Variants in PRTG observed in about 807,000 individuals in gnomAD.
PRTG encodes protogenin.
A neutral mutation model predicts 122.5 loss-of-function variants in PRTG; 67 were observed. That is an observed-to-expected ratio of 0.55 (90% CI 0.45 to 0.67). The LOEUF (loss-of-function observed/expected upper bound fraction) is 0.67. Among genes scored for constraint, PRTG ranks in the 30% least tolerant of loss-of-function variants. The pLI, the probability that PRTG is intolerant of heterozygous loss-of-function variation, is 0.00. For synonymous variants in PRTG, 554 were observed against 501.1 expected, an observed-to-expected ratio of 1.11 and a Z score of -1.41; for missense variants, 1,435 against 1,415.4, an observed-to-expected ratio of 1.01 and a Z score of -0.22.
In PRTG at chr15:55,620,190, G is replaced by A. The variant is rs936354534; in HGVS notation, c.3275C>T (p.Pro1092Leu). Residue 1092 changes from proline to leucine, a missense_variant, in exon 20 of 20, where the codon CCT becomes CTT. Pro to Leu is a moderately conservative substitution (Grantham distance 98). Transcript: ENST00000389286. The part of the protein sequence containing the change: ...TTVLISDEDS[P>L]SSPGQTTSFS... ...GCTGGTTGTCTGACCTGGGGAGCTA[G>A]GGGAGTCTTCATCACTGATTAATAC... 9.3e-6 allele frequency: 15 copies of A among 1,614,192 alleles called. No individual in the cohort carries two copies. Among genetic ancestry groups the A allele is most frequent in the Non-Finnish European group, 1.3e-5 (15 of 1,180,020 alleles).
At chr15:55,717,190 T>C (rs2030631778) in intron 2 of PRTG, among the ~76,000 whole-genome samples, 1 of 152,308 alleles carries the variant, frequency 6.6e-6, no homozygotes, top group East Asian at 1.9e-4. Flanking sequence ...TTCTAACTTA[T>C]TTCAAACAGA....
At chr15:55,646,756 C>T (rs560428103) in intron 11 of PRTG, among the ~76,000 whole-genome samples, 2 of 152,294 alleles carry the variant, frequency 1.3e-5, no homozygotes, top group East Asian at 3.9e-4. Flanking sequence ...ATTAATCTAA[C>T]ACAAATTTGA....
chr15:55,698,942 A>G (rs1301087798), intron 2 of PRTG, among the ~76,000 whole-genome samples: 1 of 152,112 alleles, frequency 6.6e-6, no homozygotes, highest in African/African-American at 2.4e-5. Flanking sequence ...CCTTCTTCTC[A>G]TAACTGCGCA....
At chr15:55,640,567 G>C in intron 12 of PRTG, among the ~76,000 whole-genome samples, 1 of 152,174 alleles carries the variant, frequency 6.6e-6, no homozygotes, top group East Asian at 1.9e-4. Flanking sequence ...ACAGCCTCGA[G>C]GGAAAAGCAG....
At chr15:55,702,081 T>C (rs1394482920) in intron 2 of PRTG, among the ~76,000 whole-genome samples, 2 of 152,212 alleles carry the variant, frequency 1.3e-5, no homozygotes, top group South Asian at 2.1e-4. Flanking sequence ...ATTTACTATA[T>C]GTAAACTTTA....
intron 11 of PRTG, among the ~76,000 whole-genome samples, chr15:55,657,277 G>A (rs556229385): frequency 6.6e-6 from 1 of 152,200 alleles, no homozygotes; most frequent in South Asian, 2.1e-4. Context: ...CAGAATTGAG[G>A]CCCATTGCCA....
intron 15 of PRTG, among the ~76,000 whole-genome samples, chr15:55,632,262 A>G (rs1023598496): frequency 9.9e-5 from 15 of 152,188 alleles, no homozygotes; most frequent in African/African-American, 3.6e-4. Context: ...CCCCACATCA[A>G]TCTACAAGCA....
intron 2 of PRTG, among the ~76,000 whole-genome samples, chr15:55,733,370 C>T (rs1328383998): frequency 1.3e-5 from 2 of 151,870 alleles, no homozygotes; most frequent in Non-Finnish European, 2.9e-5. Context: ...ATTAGCCAGG[C>T]ATGGTGGCGC....
chr15:55,682,871 A>C (rs1026681397), intron 3 of PRTG, among the ~76,000 whole-genome samples: 13 of 152,092 alleles, frequency 8.5e-5, no homozygotes, highest in Admixed American at 3.3e-4. Context: ...CTTAGACTAC[A>C]TATTTTATTT....
At position 55,615,933 on chromosome 15, in the gene PRTG, T is replaced by C. The variant is rs540328971; in HGVS notation, c.*4079A>G. 6.6e-6 allele frequency: 1 copy of C among 152,230 alleles called. No individual in the cohort carries two copies. The highest frequency in any genetic ancestry group is 1.5e-5 in the Non-Finnish European group (1 of 67,982). The allele number at this position is 152,230 out of a possible 1,614,324, so 9.4% of individuals were successfully genotyped here. ...GAACTTGAACAATGATCCTGGGTTG[T>C]CAACCACGAGCACATTTCTGGCAGA... On this transcript the variant is annotated 3_prime_UTR_variant, in exon 20 of 20. Transcript: ENST00000389286.
chr15:55,697,926 T>C (rs2059640728), intron 2 of PRTG, among the ~76,000 whole-genome samples: 1 of 152,238 alleles, frequency 6.6e-6, no homozygotes, highest in South Asian at 2.1e-4. Context: ...CAGTAAATTT[T>C]AGCTATTTCT....
intron 11 of PRTG, among the ~76,000 whole-genome samples, chr15:55,661,203 G>C (rs1024003389): frequency 6.6e-6 from 1 of 152,172 alleles, no homozygotes; most frequent in African/African-American, 2.4e-5. Flanking sequence ...GAGCCAGCAG[G>C]AGGGGATATT....
In PRTG at chr15:55,740,469, C is replaced by T. The variant is rs1477766508; in HGVS notation, c.310G>A (p.Glu104Lys). The T allele has an allele frequency of 6.2e-7, 1 of 1,614,180 alleles. No individual in the cohort carries two copies. The highest frequency in any genetic ancestry group is 8.5e-7 in the Non-Finnish European group (1 of 1,180,022). The change falls in exon 2 of 20, where the codon GAG becomes AAG. Residue 104 changes from glutamate to lysine, a missense_variant. Coordinates refer to ENST00000389286, the MANE Select transcript of PRTG (RefSeq NM_173814.6). ...YISEVEGRRG[E>K]QSDEGFYQCL... Reference sequence around the variant, plus strand: ...TGATAAAATCCTTCATCGGACTGCTCTCCTCGCCTGCCTTCCACCTCACTG... The same window carrying T: ...TGATAAAATCCTTCATCGGACTGCTTTCCTCGCCTGCCTTCCACCTCACTG...
chr15:55,654,467 T>TGC (rs1351413229), intron 11 of PRTG, among the ~76,000 whole-genome samples: 6 of 152,196 alleles, frequency 3.9e-5, no homozygotes, highest in Non-Finnish European at 8.8e-5. Context: ...GCGGTGTGTG[T>TGC]GCCGTATCCT....
Position 55,678,037 on chromosome 15 carries a change from C to A in PRTG, c.1141G>T (p.Val381Leu). The A allele has an allele frequency of 6.3e-7, 1 of 1,576,390 alleles. No homozygotes were observed. The change falls in exon 8 of 20, where the codon GTA (valine) becomes TTA (leucine). Residue 381 changes from valine to leucine, a missense_variant. Coordinates refer to ENST00000389286, the MANE Select transcript of PRTG (RefSeq NM_173814.6). ...TCTTCAGGAATAATCTGGTTAATTA[C>A]CAATTTACTAGGGAAAGAAAAAAAA... Reference protein sequence around the residue: ...GRIKMYNSKLVINQIIPEDDA... With the variant: ...GRIKMYNSKLLINQIIPEDDA...
intron 17 of PRTG, 27 bp from the exon 18 acceptor site, chr15:55,624,534 C>G: frequency 6.3e-7 from 1 of 1,590,130 alleles, no homozygotes; most frequent in Non-Finnish European, 8.6e-7. Flanking sequence ...AAGAGGAAGT[C>G]TTCTAATTTC....
chr15:55,667,548 T>C (rs2059445657), intron 11 of PRTG, among the ~76,000 whole-genome samples: 1 of 152,142 alleles, frequency 6.6e-6, no homozygotes, highest in African/African-American at 2.4e-5. Context: ...AAAGTCTATG[T>C]TGAAGTTTCA....
At chr15:55,658,767 G>A (rs964777084) in intron 11 of PRTG, among the ~76,000 whole-genome samples, 1 of 152,138 alleles carries the variant, frequency 6.6e-6, no homozygotes, top group Non-Finnish European at 1.5e-5. Context: ...GTATGGGTGT[G>A]TTTAACCCTA....
intron 2 of PRTG, among the ~76,000 whole-genome samples, chr15:55,731,115 A>ACTTT (rs10653450): frequency 0.59 from 89,854 of 151,530 alleles, 27,550 homozygotes; most frequent in Non-Finnish European, 0.69. Context: ...ATAATGATGT[A>ACTTT]CTTTGTCTCT....
Sources: allele counts gnomAD v4.1 joint callset (sites outside exome capture counted in the v4.1 genomes callset), GRCh38; gene constraint gnomAD v4.1.1; transcripts MANE v1.5; gene names NCBI Gene and HGNC (gene_info 2026-07-23, HGNC 2026-07-21).